The following ARHGEF37 variants were observed in gnomAD, a reference collection of about 807,000 sequenced individuals.
ARHGEF37 encodes the protein Rho guanine nucleotide exchange factor 37.
In ARHGEF37, 55 loss-of-function variants were observed where a neutral mutation model predicts 71.1. The observed-to-expected ratio is 0.77, with a 90% CI of 0.62 to 0.97. The LOEUF is 0.97. ARHGEF37 is among the 50% of genes least tolerant of loss of function. The pLI is 0.00. For missense variants in ARHGEF37, 765 were observed against 836.8 expected (o/e 0.91, Z 1.06); for synonymous variants, 327 against 350.6 (o/e 0.93, Z 0.75).
chr5:149,557,302 T>A (rs1174110729), intron 1 of ARHGEF37, among the ~76,000 whole-genome samples: 2 of 152,102 alleles, frequency 1.3e-5, no homozygotes, highest in Admixed American at 1.3e-4. Flanking sequence ...TGTAGGACAA[T>A]TGAAGTGGAT....
At chr5:149,605,774 C>T (rs2113332146) in intron 3 of ARHGEF37, among the ~76,000 whole-genome samples, 1 of 152,296 alleles carries the variant, frequency 6.6e-6, no homozygotes, top group South Asian at 2.1e-4. Flanking sequence ...CCAAAAACGT[C>T]TCTGAGGCTC....
Position 149,628,225 on chromosome 5 carries a change from G to T in ARHGEF37, c.1661-584G>T, listed in dbSNP as rs539530879. On this transcript the variant is annotated intron_variant, in intron 11 of 12. Transcript: ENST00000333677. ...AAGTCATGGAGCCAGTCTGAGCTCG[G>T]CTGGTTGAACGTAAAATGGAGAGGA... 3.5e-4 allele frequency among the ~76,000 whole-genome samples: 53 copies of T among 152,304 alleles called. 1 individual carries two copies. Among genetic ancestry groups the T allele is most frequent in the Admixed American group, 1.7e-3 (26 of 15,308 alleles).
At position 149,630,912 on chromosome 5, in the gene ARHGEF37, C is replaced by G. The variant is rs114184400; in HGVS notation, c.1819-1070C>G. Among the ~76,000 whole-genome samples, 276 of 152,292 alleles carry G rather than the reference C, an allele frequency of 1.8e-3. 1 individual carries two copies. The highest frequency in any genetic ancestry group is 2.8e-3 in the Non-Finnish European group (191 of 68,022). On this transcript the variant is annotated intron_variant, in intron 12 of 12. Coordinates refer to ENST00000333677, the MANE Select transcript of ARHGEF37 (RefSeq NM_001001669.3). ...ACAAACAAACAAAAAACCTAAGCAG[C>G]CTGCATTTATTGAGCCCTTGCTATG... is the stretch of plus-strand genomic sequence containing the variant.
chr5:149,627,161 T>A lies in ARHGEF37; in HGVS notation c.1550T>A (p.Ile517Asn). 1 of 1,614,146 alleles carries A rather than the reference T, an allele frequency of 6.2e-7. No individual in the cohort carries two copies. The highest frequency in any genetic ancestry group is 8.5e-7 in the Non-Finnish European group (1 of 1,180,042). The change falls in exon 11 of 13, where the codon ATC becomes AAC. Residue 517 changes from isoleucine (I) to asparagine (N), a missense_variant. Ile to Asn is a moderately radical substitution (Grantham distance 149, BLOSUM62 -3). Coordinates refer to ENST00000333677, the MANE Select transcript of ARHGEF37 (RefSeq NM_001001669.3). ...AAGCTGTACCAGGTGACAAGCAACA[T>A]CAGTGGGACTGGGACTCTGGACCTG... ...PGKLYQVTSN[I>N]SGTGTLDLTL...
intron 9 of ARHGEF37, among the ~76,000 whole-genome samples, chr5:149,622,342 G>A (rs927186311): frequency 3.9e-5 from 6 of 152,222 alleles, no homozygotes; most frequent in African/African-American, 1.4e-4. Context: ...TCATACAATG[G>A]CAGATCTTGG....
chr5:149,599,119 A>T (rs1763677679), intron 2 of ARHGEF37, among the ~76,000 whole-genome samples: 1 of 152,176 alleles, frequency 6.6e-6, no homozygotes, highest in South Asian at 2.1e-4. Context: ...TACCTGATGG[A>T]GCTTTGAAAC....
upstream of ARHGEF37, among the ~76,000 whole-genome samples, chr5:149,578,186 C>G (rs898299334): frequency 6.6e-6 from 1 of 152,226 alleles, no homozygotes; most frequent in Non-Finnish European, 1.5e-5. Flanking sequence ...AAATACTCTT[C>G]CAAGAAATTC....
intron 4 of ARHGEF37, among the ~76,000 whole-genome samples, chr5:149,611,693 A>G (rs1752176242): frequency 6.6e-6 from 1 of 152,242 alleles, no homozygotes; most frequent in Non-Finnish European, 1.5e-5. Context: ...TTCATTGCAC[A>G]CGAGTGACAC....
chr5:149,598,646 T>C (rs1763647092), intron 2 of ARHGEF37, among the ~76,000 whole-genome samples: 2 of 151,234 alleles, frequency 1.3e-5, no homozygotes, highest in Admixed American at 6.6e-5. Flanking sequence ...GTACCAAAAA[T>C]TGACTACAAC....
intron 1 of ARHGEF37, among the ~76,000 whole-genome samples, chr5:149,595,234 G>A (rs1763511087): frequency 6.6e-6 from 1 of 152,170 alleles, no homozygotes; most frequent in African/African-American, 2.4e-5. Flanking sequence ...AGAGTGCAGT[G>A]GTGCAATCTT....
Position 149,627,265 on chromosome 5 carries a change from A to G in ARHGEF37, c.1654A>G (p.Thr552Ala). 1 of 1,613,374 alleles carries G rather than the reference A, an allele frequency of 6.2e-7. No individual in the cohort carries two copies. ...KGNSGRWLVD[T>A]GGHRGYVPAG... Reference sequence around the variant, plus strand: ...CAACAGCGGCCGCTGGCTGGTGGACACCGGGGGTACGTGAGCCTTTGGGAG... The same window carrying G: ...CAACAGCGGCCGCTGGCTGGTGGACGCCGGGGGTACGTGAGCCTTTGGGAG... The change falls in exon 11 of 13, where the codon ACC becomes GCC. Residue 552 changes from threonine (T) to alanine (A), a missense_variant. By Grantham distance (58) the Thr-to-Ala change is moderately conservative. Coordinates refer to ENST00000333677, the MANE Select transcript of ARHGEF37 (RefSeq NM_001001669.3).
Position 149,632,488 on chromosome 5 carries a change from C to A in ARHGEF37, c.*297C>A, listed in dbSNP as rs2279134. 5.0e-6 allele frequency: 2 copies of A among 399,408 alleles called. No individual in the cohort carries two copies. The highest frequency in any genetic ancestry group is 9.4e-6 in the Non-Finnish European group (2 of 212,842). 24.7% of individuals were successfully genotyped at this position (399,408 alleles called of 1,614,324 possible). On this transcript the variant is annotated 3_prime_UTR_variant, in exon 13 of 13. Transcript: ENST00000333677. ...TCACAGCTGATTGGCCAGGACTCTC[C>A]ATAGGTTATGGCCAGTCTTAGCTGT...
chr5:149,592,979 A>G (rs1763454645), intron 1 of ARHGEF37, among the ~76,000 whole-genome samples: 1 of 152,128 alleles, frequency 6.6e-6, no homozygotes, highest in Admixed American at 6.6e-5. Flanking sequence ...CATGTTGGTC[A>G]GGCTGGTCTT....
chr5:149,590,363 C>G (rs911721146), intron 1 of ARHGEF37, among the ~76,000 whole-genome samples: 1 of 148,422 alleles, frequency 6.7e-6, no homozygotes, highest in Admixed American at 6.8e-5. Flanking sequence ...CTCACAGCAA[C>G]CTCTGCCTCC....
At chr5:149,621,075 C>T (rs1314436891) in intron 8 of ARHGEF37, among the ~76,000 whole-genome samples, 1 of 152,152 alleles carries the variant, frequency 6.6e-6, no homozygotes, top group African/African-American at 2.4e-5. Flanking sequence ...GAGATTGAGG[C>T]TCAGAGGGGG....
In ARHGEF37 at chr5:149,628,243, G is replaced by A. The variant is rs553860932; in HGVS notation, c.1661-566G>A. On this transcript the variant is annotated intron_variant, in intron 11 of 12. Coordinates refer to ENST00000333677, the MANE Select transcript of ARHGEF37 (RefSeq NM_001001669.3). ...GAGCTCGGCTGGTTGAACGTAAAAT[G>A]GAGAGGATAATATCACTGGCTGCCC... Among the ~76,000 whole-genome samples the A allele has an allele frequency of 1.4e-4, 22 of 152,296 alleles. No homozygotes were observed. In the South Asian group the frequency reaches 4.6e-3, roughly 32 times the overall value.
chr5:149,603,231 C>A (rs937970914), intron 3 of ARHGEF37, among the ~76,000 whole-genome samples: 6 of 152,126 alleles, frequency 3.9e-5, no homozygotes, highest in Admixed American at 6.5e-5. Flanking sequence ...CCGTGCCTGG[C>A]CTAAATACGC....
At chr5:149,555,312 ATTTAC>A (rs1036470540) in intron 1 of ARHGEF37, among the ~76,000 whole-genome samples, 57 of 151,988 alleles carry the variant, frequency 3.8e-4, no homozygotes, top group African/African-American at 1.3e-3. Context: ...ATGCTTTGCA[ATTTAC>A]TTATGAGTCA....
chr5:149,605,381 A>G (rs1458502822), intron 3 of ARHGEF37, among the ~76,000 whole-genome samples: 1 of 152,212 alleles, frequency 6.6e-6, no homozygotes, highest in African/African-American at 2.4e-5. Flanking sequence ...ATAATATTTT[A>G]ACATGTAATC....
Sources: allele counts gnomAD v4.1 joint callset (sites outside exome capture counted in the v4.1 genomes callset), GRCh38; gene constraint gnomAD v4.1.1; transcripts MANE v1.5; gene names NCBI Gene and HGNC (gene_info 2026-07-23, HGNC 2026-07-21).